RABGAP1L: variants seen among roughly 807,000 people sequenced by gnomAD.
RABGAP1L encodes rab GTPase-activating protein 1-like.
RABGAP1L carries 63 observed loss-of-function variants against 137.7 expected under a neutral mutation model. The observed-to-expected ratio is 0.46, with a 90% confidence interval of 0.37 to 0.56. RABGAP1L has a LOEUF of 0.56. RABGAP1L is among the 20% of genes least tolerant of loss of function. The pLI, the probability that RABGAP1L is intolerant of heterozygous loss-of-function variation, is 0.00. For missense variants in RABGAP1L, 1,095 were observed against 1,244.0 expected, an observed-to-expected ratio of 0.88 and a Z score of 1.80; for synonymous variants, 431 against 433.7, an observed-to-expected ratio of 0.99 and a Z score of 0.08.
chr1:174,903,075 C>G (rs1658408925), intron 19 of RABGAP1L, among the ~76,000 whole-genome samples: 1 of 152,046 alleles, frequency 6.6e-6, no homozygotes, highest in African/African-American at 2.4e-5. Context: ...AATTTTTTTT[C>G]CATTGTGTGC....
chr1:174,342,017 T>G (rs2148894313), intron 11 of RABGAP1L, among the ~76,000 whole-genome samples: 1 of 152,254 alleles, frequency 6.6e-6, no homozygotes, highest in Middle Eastern at 3.4e-3. Context: ...ATTTTTAAAA[T>G]CTTTCAATTT....
chr1:174,377,493 T>C (rs1317246653), intron 12 of RABGAP1L, among the ~76,000 whole-genome samples: 1 of 152,172 alleles, frequency 6.6e-6, no homozygotes, highest in Non-Finnish European at 1.5e-5. Flanking sequence ...GATACAAGGA[T>C]AGACACTGAG....
At chr1:174,834,785 G>A (rs1692562942) in intron 19 of RABGAP1L, among the ~76,000 whole-genome samples, 1 of 152,104 alleles carries the variant, frequency 6.6e-6, no homozygotes, top group Non-Finnish European at 1.5e-5. Context: ...ATACTATATT[G>A]CAAGGCCCTC....
rs371760647 is a variant in RABGAP1L, at chr1:174,514,694, A to G, written c.1710+120549A>G. ...CTTAGCTAACCTTGGTTTCTAGATC[A>G]AGATGATTTTCCTTCTTTGTTTTCA... On this transcript the variant is annotated intron_variant, in intron 13 of 25. Coordinates refer to ENST00000681986, the MANE Select transcript of RABGAP1L (RefSeq NM_001366446.1). 7.2e-5 allele frequency among the ~76,000 whole-genome samples: 11 copies of G among 152,176 alleles called. No homozygotes were observed. In the East Asian group the frequency reaches 9.6e-4, roughly 13 times the overall value.
At chr1:174,546,656 A>G (rs975966702) in intron 13 of RABGAP1L, among the ~76,000 whole-genome samples, 11 of 152,230 alleles carry the variant, frequency 7.2e-5, no homozygotes, top group African/African-American at 2.4e-4. Context: ...AATTAGAACC[A>G]TTAGAATTGC....
chr1:174,543,146 C>G (rs1425594134), intron 13 of RABGAP1L, among the ~76,000 whole-genome samples: 1 of 152,040 alleles, frequency 6.6e-6, no homozygotes, highest in Non-Finnish European at 1.5e-5. Flanking sequence ...TCCTGGATAT[C>G]CTTGTTAACT....
intron 13 of RABGAP1L, among the ~76,000 whole-genome samples, chr1:174,540,958 C>T (rs1000717045): frequency 1.3e-5 from 2 of 152,090 alleles, no homozygotes; most frequent in East Asian, 3.9e-4. Flanking sequence ...TTTGTGTCCT[C>T]TTTTATTTTA....
At chr1:174,194,849 C>T (rs1384085934) in intron 1 of RABGAP1L, among the ~76,000 whole-genome samples, 1 of 152,124 alleles carries the variant, frequency 6.6e-6, no homozygotes, top group African/African-American at 2.4e-5. Context: ...TAGATTGACA[C>T]AAATTATTAT....
intron 11 of RABGAP1L, among the ~76,000 whole-genome samples, chr1:174,335,015 T>A (rs1186723390): frequency 6.6e-6 from 1 of 152,180 alleles, no homozygotes; most frequent in Non-Finnish European, 1.5e-5. Flanking sequence ...TTTTCACTTC[T>A]ATTCTTAACA....
intron 13 of RABGAP1L, among the ~76,000 whole-genome samples, chr1:174,550,758 AC>A (rs2147978990): frequency 6.7e-6 from 1 of 148,926 alleles, no homozygotes; most frequent in African/African-American, 2.5e-5. Context: ...GGTGGCTCAC[AC>A]CTGTAATCCC....
chr1:174,637,340 A>C, intron 13 of RABGAP1L, 35 bp from the exon 14 acceptor site: 1 of 1,460,484 alleles, frequency 6.8e-7, no homozygotes. Flanking sequence ...CTGGGAAAAA[A>C]TTTAATAACC....
intron 23 of RABGAP1L, 42 bp from the exon 24 acceptor site, chr1:174,982,792 G>A (rs1264543412): frequency 6.5e-7 from 1 of 1,529,558 alleles, no homozygotes. Context: ...TGCTGCAAGA[G>A]TTGTTCTGTT....
intron 13 of RABGAP1L, among the ~76,000 whole-genome samples, chr1:174,447,589 A>C (rs1429653547): frequency 3.9e-5 from 6 of 152,302 alleles, no homozygotes; most frequent in Non-Finnish European, 7.3e-5. Context: ...TGCATTTTTC[A>C]TCATAGATAA....
At chr1:174,720,989 G>A (rs998082151) in intron 17 of RABGAP1L, among the ~76,000 whole-genome samples, 2 of 152,122 alleles carry the variant, frequency 1.3e-5, no homozygotes, top group African/African-American at 4.8e-5. Flanking sequence ...AATTCTAGAG[G>A]TCATCTTAGA....
chr1:174,512,415 A>G (rs1662433800), intron 13 of RABGAP1L, among the ~76,000 whole-genome samples: 1 of 152,226 alleles, frequency 6.6e-6, no homozygotes, highest in Non-Finnish European at 1.5e-5. Flanking sequence ...TCTGAAATGT[A>G]TGGTGGTAGG....
chr1:174,984,339 T>C (rs1382017994), intron 24 of RABGAP1L, among the ~76,000 whole-genome samples: 1 of 152,224 alleles, frequency 6.6e-6, no homozygotes, highest in Non-Finnish European at 1.5e-5. Context: ...TGCATAGCTA[T>C]TAGACTGCCA....
At position 174,275,805 on chromosome 1, in the gene RABGAP1L, TCA is replaced by T; in HGVS notation, c.1054-27_1054-26del. 2.0e-6 allele frequency: 3 copies of T among 1,520,748 alleles called. No homozygotes were observed. In the South Asian group the frequency reaches 3.6e-5, roughly 18 times the overall value. The allele number at this position is 1,520,748 out of a possible 1,614,324, so 94.2% of individuals were successfully genotyped here. On this transcript the variant is annotated intron_variant, in intron 8 of 25. Coordinates refer to ENST00000681986, the MANE Select transcript of RABGAP1L (RefSeq NM_001366446.1). ...GTAGTGATTTTTTTGATGTCTTTTA[TCA>T]GTAATTACTGTTTGAATTTTTATAG...
At chr1:174,450,436 T>C (rs1470051219) in intron 13 of RABGAP1L, among the ~76,000 whole-genome samples, 7 of 152,176 alleles carry the variant, frequency 4.6e-5, no homozygotes, top group African/African-American at 1.7e-4. Flanking sequence ...GTTGTCAACA[T>C]TGGAAAAAGT....
At chr1:174,686,648 CTTTT>C (rs533716511) in intron 15 of RABGAP1L, among the ~76,000 whole-genome samples, 3 of 105,770 alleles carry the variant, frequency 2.8e-5, no homozygotes, top group Non-Finnish European at 2.1e-5. Context: ...ACAAAGCAAT[CTTTT>C]TTTTTTTTTT....
Sources: allele counts gnomAD v4.1 joint callset (sites outside exome capture counted in the v4.1 genomes callset), GRCh38; gene constraint gnomAD v4.1.1; transcripts MANE v1.5; gene names NCBI Gene and HGNC (gene_info 2026-07-23, HGNC 2026-07-21).